DNAH5: variants seen among roughly 807,000 people sequenced by gnomAD.
DNAH5 encodes the protein dynein axonemal heavy chain 5.
A neutral mutation model predicts 518.2 loss-of-function variants in DNAH5; 372 were observed. The ratio of observed to expected loss-of-function variants is 0.72; its 90% CI spans 0.66 to 0.78. DNAH5 has a LOEUF of 0.78. Ranked by LOEUF, DNAH5 falls within the 30% of genes least tolerant of loss-of-function variation. The pLI, the probability that DNAH5 is intolerant of heterozygous loss-of-function variation, is 0.00. For missense variants in DNAH5, 5,523 were observed against 5,687.0 expected (o/e 0.97, Z 0.93); for synonymous variants, 2,039 against 2,025.9 (o/e 1.01, Z -0.17).
At chr5:14,008,758 T>C (rs1229351157) in intron 1 of DNAH5, among the ~76,000 whole-genome samples, 2 of 152,174 alleles carry the variant, frequency 1.3e-5, no homozygotes, top group East Asian at 3.8e-4. Context: ...ACTTTAAACA[T>C]AGTAGGTACT....
intron 5 of DNAH5, among the ~76,000 whole-genome samples, chr5:13,921,044 G>A (rs144396325): frequency 0.014 from 2,080 of 152,040 alleles, 48 homozygotes; most frequent in African/African-American, 0.046. Flanking sequence ...AAACCTGCAC[G>A]TTGTGCACAT....
At chr5:13,882,645 T>C (rs1410826402) in intron 21 of DNAH5, 83 bp downstream of exon 21, 1 of 1,062,248 alleles carries the variant, frequency 9.4e-7, no homozygotes, top group Admixed American at 1.9e-5. Flanking sequence ...AAATTGAGAA[T>C]TACATGGAGG....
intron 34 of DNAH5, among the ~76,000 whole-genome samples, chr5:13,840,432 A>C (rs1009958989): frequency 1.9e-4 from 29 of 152,338 alleles, no homozygotes; most frequent in African/African-American, 7.0e-4. Flanking sequence ...GAATGTCAGA[A>C]GCTCTATTAG....
chr5:13,805,669 G>C (rs1208273678), intron 47 of DNAH5, among the ~76,000 whole-genome samples: 2 of 152,164 alleles, frequency 1.3e-5, no homozygotes, highest in African/African-American at 4.8e-5. Flanking sequence ...GGGAAGGTTT[G>C]CATTTGAGAC....
At chr5:13,792,995 G>C (rs191135526) in intron 49 of DNAH5, among the ~76,000 whole-genome samples, 3 of 152,256 alleles carry the variant, frequency 2.0e-5, no homozygotes, top group African/African-American at 4.8e-5. Context: ...GTGATTGTTC[G>C]ACTAAATTAT....
intron 22 of DNAH5, among the ~76,000 whole-genome samples, chr5:13,873,806 A>AT (rs202045551): frequency 3.9e-5 from 6 of 152,110 alleles, no homozygotes; most frequent in Non-Finnish European, 8.8e-5. Context: ...TAGCCAAAAA[A>AT]TTTGTCTCTT....
At chr5:13,974,243 C>T (rs1022777262) in intron 1 of DNAH5, among the ~76,000 whole-genome samples, 1 of 151,574 alleles carries the variant, frequency 6.6e-6, no homozygotes, top group Admixed American at 6.6e-5. Context: ...TCAAGCAATC[C>T]TCCCATCACA....
chr5:13,844,397 C>T (rs114374609), intron 32 of DNAH5, among the ~76,000 whole-genome samples: 5,561 of 152,232 alleles, frequency 0.037, 142 homozygotes, highest in Middle Eastern at 0.061. Flanking sequence ...TCGTGAGTCT[C>T]ATGCAGCTTC....
At chr5:13,762,471 A>G (rs1274552735) in intron 60 of DNAH5, among the ~76,000 whole-genome samples, 2 of 152,162 alleles carry the variant, frequency 1.3e-5, no homozygotes, top group African/African-American at 4.8e-5. Context: ...CGAGCAGCCC[A>G]CAATGGACCT....
chr5:14,011,119 A>G (rs1396965526), intron 1 of DNAH5, among the ~76,000 whole-genome samples: 2 of 151,844 alleles, frequency 1.3e-5, no homozygotes, highest in Non-Finnish European at 2.9e-5. Context: ...GAAAGAACCC[A>G]CCCAGCGGGG....
intron 76 of DNAH5, among the ~76,000 whole-genome samples, chr5:13,702,110 G>A (rs1399354074): frequency 6.6e-6 from 1 of 152,170 alleles, no homozygotes; most frequent in African/African-American, 2.4e-5. Flanking sequence ...GAATTCACCT[G>A]TGGAACTTCC....
chr5:13,727,776 G>T lies in DNAH5; in HGVS notation c.11884-120C>A. 5 of 1,102,306 alleles carry T rather than the reference G, an allele frequency of 4.5e-6. No individual in the cohort carries two copies. The South Asian group carries it at 7.2e-5, about 16-fold the overall frequency. 68.3% of individuals were successfully genotyped at this position (1,102,306 alleles called of 1,614,324 possible). On this transcript the variant is annotated intron_variant, in intron 69 of 78. Transcript: ENST00000265104. ...AGATATGTGTAAATTATATTCCTTG[G>T]CTATTTTTTTATTTTATATTATAGA...
chr5:13,779,251 G>T (rs1207303695), intron 53 of DNAH5, among the ~76,000 whole-genome samples: 1 of 152,176 alleles, frequency 6.6e-6, no homozygotes, highest in African/African-American at 2.4e-5. Context: ...AAAACTAGAA[G>T]AATCATATGC....
intron 36 of DNAH5, 103 bp from the exon 37 acceptor site, chr5:13,830,316 T>C: frequency 8.7e-7 from 1 of 1,155,734 alleles, no homozygotes; most frequent in Non-Finnish European, 1.3e-6. Flanking sequence ...TGTAAGTTCA[T>C]TCAAAAGTAA....
At chr5:13,796,381 T>A (rs1757824291) in intron 47 of DNAH5, among the ~76,000 whole-genome samples, 1 of 151,968 alleles carries the variant, frequency 6.6e-6, no homozygotes, top group Admixed American at 6.6e-5. Context: ...TGTGCGAAAA[T>A]CACAAGCATT....
At chr5:13,943,370 AC>A (rs1779637416) in intron 1 of DNAH5, among the ~76,000 whole-genome samples, 1 of 152,230 alleles carries the variant, frequency 6.6e-6, no homozygotes, top group Non-Finnish European at 1.5e-5. Context: ...TGTGACAAGG[AC>A]TCTATAAGAC....
At chr5:13,692,519 C>A (rs1397641753) in intron 78 of DNAH5, among the ~76,000 whole-genome samples, 2 of 152,194 alleles carry the variant, frequency 1.3e-5, no homozygotes, top group Admixed American at 1.3e-4. Flanking sequence ...AGGCATCCAG[C>A]ACCAGTGGGC....
intron 5 of DNAH5, 30 bp downstream of exon 5, chr5:13,922,077 T>G (rs1223204000): frequency 6.2e-7 from 1 of 1,609,008 alleles, no homozygotes; most frequent in Non-Finnish European, 8.5e-7. Context: ...CACCTGATCA[T>G]TTTTAAAGGA....
chr5:14,008,534 G>T (rs1053358277), intron 1 of DNAH5, among the ~76,000 whole-genome samples: 1 of 151,940 alleles, frequency 6.6e-6, no homozygotes, highest in African/African-American at 2.4e-5. Flanking sequence ...TGTGGTATGA[G>T]AATCACAGAA....
Sources: gnomAD v4.1 joint callset for allele counts (sites outside exome capture counted in the v4.1 genomes callset) on GRCh38, gnomAD v4.1.1 for gene constraint, MANE v1.5 for transcripts, NCBI Gene and HGNC (gene_info 2026-07-23, HGNC 2026-07-21) for gene names.